CADM1: variants seen among roughly 807,000 people sequenced by gnomAD.
The protein encoded by CADM1 is TSLC-1.
A neutral mutation model predicts 53.1 loss-of-function variants in CADM1; 15 were observed. The observed-to-expected ratio is 0.28, with a 90% CI of 0.19 to 0.44. The LOEUF is 0.44. CADM1 is among the 20% of genes least tolerant of loss of function. CADM1 has a pLI of 1.00. For missense variants in CADM1, 434 were observed against 611.3 expected, an observed-to-expected ratio of 0.71 and a Z score of 3.06; for synonymous variants, 281 against 243.0, an observed-to-expected ratio of 1.16 and a Z score of -1.45.
intron 8 of CADM1, among the ~76,000 whole-genome samples, chr11:115,200,386 C>A (rs1462576778): frequency 6.6e-6 from 1 of 152,180 alleles, no homozygotes; most frequent in Non-Finnish European, 1.5e-5. Context: ...CATTTATATG[C>A]ATGTTAATAC....
intron 1 of CADM1, among the ~76,000 whole-genome samples, chr11:115,423,367 C>T (rs1947809228): frequency 6.6e-6 from 1 of 152,134 alleles, no homozygotes; most frequent in Non-Finnish European, 1.5e-5. Context: ...CCAGGAGAAA[C>T]TTAAAACACC....
At chr11:115,230,708 C>G (rs919562768) in intron 4 of CADM1, among the ~76,000 whole-genome samples, 2 of 152,198 alleles carry the variant, frequency 1.3e-5, no homozygotes, top group Admixed American at 1.3e-4. Context: ...CTGCCTTGTA[C>G]TGTCATCACA....
chr11:115,396,324 A>T (rs1946995370), intron 1 of CADM1, among the ~76,000 whole-genome samples: 1 of 152,208 alleles, frequency 6.6e-6, no homozygotes, highest in Non-Finnish European at 1.5e-5. Flanking sequence ...ATGGTGTATC[A>T]ATTTATGTGC....
chr11:115,417,639 C>T (rs1480743099), intron 1 of CADM1, among the ~76,000 whole-genome samples: 5 of 152,152 alleles, frequency 3.3e-5, no homozygotes, highest in Admixed American at 2.0e-4. Context: ...GTGGCGTACA[C>T]GGTGTGGAGA....
chr11:115,318,374 C>A (rs946060780), intron 1 of CADM1, among the ~76,000 whole-genome samples: 2 of 152,126 alleles, frequency 1.3e-5, no homozygotes, highest in East Asian at 3.9e-4. Context: ...AAATTATAGG[C>A]TGAAACACAT....
intron 10 of CADM1, among the ~76,000 whole-genome samples, chr11:115,183,368 G>A (rs1010980515): frequency 1.3e-5 from 2 of 152,274 alleles, no homozygotes; most frequent in East Asian, 1.9e-4. Flanking sequence ...AGCATAAACC[G>A]CCATGCAAAT....
chr11:115,503,542 A>G (rs957374103), intron 1 of CADM1, among the ~76,000 whole-genome samples: 1 of 152,000 alleles, frequency 6.6e-6, no homozygotes, highest in African/African-American at 2.4e-5. Flanking sequence ...GCCTTCCCGC[A>G]GAGGCGGCGA....
chr11:115,423,050 T>C (rs1214661307), intron 1 of CADM1, among the ~76,000 whole-genome samples: 1 of 151,950 alleles, frequency 6.6e-6, no homozygotes, highest in African/African-American at 2.4e-5. Flanking sequence ...TTAATGTTTG[T>C]GCATTTTTAA....
chr11:115,307,908 T>C (rs1399276596), intron 1 of CADM1, among the ~76,000 whole-genome samples: 2 of 151,860 alleles, frequency 1.3e-5, no homozygotes, highest in African/African-American at 4.8e-5. Flanking sequence ...CTTTCTTTTT[T>C]AAAATCCACA....
At chr11:115,277,985 A>G (rs1943488375) in intron 1 of CADM1, among the ~76,000 whole-genome samples, 1 of 152,026 alleles carries the variant, frequency 6.6e-6, no homozygotes, top group Non-Finnish European at 1.5e-5. Context: ...ACTTCCGATG[A>G]CCATGCCCCT....
intron 6 of CADM1, 78 bp from the exon 7 acceptor site, chr11:115,214,858 A>G (rs1941111459): frequency 7.4e-7 from 1 of 1,355,446 alleles, no homozygotes; most frequent in Admixed American, 1.7e-5. Context: ...ATGCAGGGTG[A>G]CACAATTAAT....
intron 8 of CADM1, among the ~76,000 whole-genome samples, chr11:115,203,701 T>C (rs1940546280): frequency 6.6e-6 from 1 of 152,196 alleles, no homozygotes; most frequent in Admixed American, 6.5e-5. Flanking sequence ...TTAAAAACTT[T>C]TCCACTAGCA....
intron 1 of CADM1, among the ~76,000 whole-genome samples, chr11:115,425,429 T>C (rs1947865151): frequency 6.6e-6 from 1 of 152,228 alleles, no homozygotes; most frequent in African/African-American, 2.4e-5. Context: ...ATAAGTTTCA[T>C]TGCACCCACT....
intron 1 of CADM1, among the ~76,000 whole-genome samples, chr11:115,317,520 A>G (rs1195338050): frequency 6.6e-6 from 1 of 152,226 alleles, no homozygotes; most frequent in East Asian, 1.9e-4. Context: ...AGAAAAGGAG[A>G]CATAAGGAAT....
chr11:115,245,504 G>T (rs977847719), intron 1 of CADM1, among the ~76,000 whole-genome samples: 1 of 152,088 alleles, frequency 6.6e-6, no homozygotes, highest in Non-Finnish European at 1.5e-5. Context: ...CAAATGACTT[G>T]TCAATTATGC....
intron 1 of CADM1, among the ~76,000 whole-genome samples, chr11:115,352,120 T>G (rs1388474418): frequency 6.6e-6 from 1 of 152,130 alleles, no homozygotes; most frequent in African/African-American, 2.4e-5. Flanking sequence ...AAGAATCCAA[T>G]AAAATCAAAT....
chr11:115,378,887 T>A (rs1046438566), intron 1 of CADM1, among the ~76,000 whole-genome samples: 6 of 152,190 alleles, frequency 3.9e-5, no homozygotes, highest in South Asian at 2.1e-4. Context: ...AGTTTGCCAA[T>A]CTTTGCTATA....
At chr11:115,256,994 G>A (rs752277216) in intron 1 of CADM1, 5 of 422,958 alleles carry the variant, frequency 1.2e-5, no homozygotes, top group South Asian at 8.3e-5. Context: ...TTTAGAGTGT[G>A]AATTACGTAC....
At chr11:115,328,006 C>A (rs535925669) in intron 1 of CADM1, among the ~76,000 whole-genome samples, 8 of 152,042 alleles carry the variant, frequency 5.3e-5, no homozygotes, top group African/African-American at 1.9e-4. Flanking sequence ...TACCGCTCTA[C>A]AAAGCATTCT....
Sources: gnomAD v4.1 joint callset for allele counts (sites outside exome capture counted in the v4.1 genomes callset) on GRCh38, gnomAD v4.1.1 for gene constraint, MANE v1.5 for transcripts, NCBI Gene and HGNC (gene_info 2026-07-23, HGNC 2026-07-21) for gene names.